The following ETV3 variants were observed in gnomAD, a reference collection of about 807,000 sequenced individuals.
ETV3 encodes the protein ETS translocation variant 3.
In ETV3, 8 loss-of-function variants were observed where a neutral mutation model predicts 33.0. The ratio of observed to expected loss-of-function variants is 0.24; its 90% CI spans 0.14 to 0.44. ETV3 has a LOEUF of 0.44. Ranked by LOEUF, ETV3 falls within the 20% of genes least tolerant of loss-of-function variation. ETV3 has a pLI of 1.00. For synonymous variants in ETV3, 222 were observed against 238.9 expected, an observed-to-expected ratio of 0.93 and a Z score of 0.65; for missense variants, 473 against 652.3, an observed-to-expected ratio of 0.73 and a Z score of 2.99.
At chr1:157,137,642 C>G (rs1352869462) in intron 1 of ETV3, among the ~76,000 whole-genome samples, 1 of 151,780 alleles carries the variant, frequency 6.6e-6, no homozygotes, top group Non-Finnish European at 1.5e-5. Context: ...ACACGAATTT[C>G]CCCACTGCTC....
intron 3 of ETV3, chr1:157,135,041 A>G (rs977788869): frequency 9.6e-5 from 21 of 218,862 alleles, no homozygotes; most frequent in Non-Finnish European, 1.4e-4. Flanking sequence ...TAGATAGGTC[A>G]GTATCACTGA....
rs1191237753 is a variant in ETV3 at position 157,121,601 on chromosome 1, A to G, written c.*3240T>C. 6.6e-6 allele frequency: 1 copy of G among 152,250 alleles called. No homozygotes were observed. The highest frequency in any genetic ancestry group is 1.5e-5 in the Non-Finnish European group (1 of 68,044). 9.4% of individuals were successfully genotyped at this position (152,250 alleles called of 1,614,324 possible). A position where few individuals can be genotyped will look rare whatever the true frequency, so the allele number is the denominator to read the frequency against. The stretch of plus-strand genomic sequence containing the variant: ...CCCCCTAAGAAGAAACCAAGAATGG[A>G]ACAGTTCTTGAAAGATTGAATCAAA... On this transcript the variant is annotated 3_prime_UTR_variant, in exon 5 of 5. Coordinates refer to ENST00000368192, the MANE Select transcript of ETV3 (RefSeq NM_001145312.3).
chr1:157,135,608 C>T lies in ETV3; in HGVS notation c.147G>A (p.Glu49=). ...HFILELLQKE[E]FRHVIAWQQG... ...GCTGCCAGGCGATGACATGGCGGAACTCTTCCTTCTGCAGCAGCTCCAGGA... is the reference window on the plus strand; with the variant it reads ...GCTGCCAGGCGATGACATGGCGGAATTCTTCCTTCTGCAGCAGCTCCAGGA... The change falls in exon 3 of 5, where the codon GAG becomes GAA. Residue 49 remains glutamate, a synonymous_variant. Coordinates refer to ENST00000368192, the MANE Select transcript of ETV3 (RefSeq NM_001145312.3). 1 of 1,614,186 alleles carries T rather than the reference C, an allele frequency of 6.2e-7. No individual in the cohort carries two copies.
At chr1:157,130,150 G>C (rs1196390012) in intron 4 of ETV3, among the ~76,000 whole-genome samples, 1 of 151,978 alleles carries the variant, frequency 6.6e-6, no homozygotes, top group Non-Finnish European at 1.5e-5. Flanking sequence ...CCAAAATCTA[G>C]TTTTTTATTA....
Position 157,124,014 on chromosome 1 carries a change from C to A in ETV3, c.*827G>T, listed in dbSNP as rs971202063. Reference sequence around the variant, plus strand: ...GGGTTACTTCCTCCTGCCCTCTTTTCTTCCCTGAACAAGAGTTTACAACTC... The same window carrying A: ...GGGTTACTTCCTCCTGCCCTCTTTTATTCCCTGAACAAGAGTTTACAACTC... On this transcript the variant is annotated 3_prime_UTR_variant, in exon 5 of 5. Coordinates refer to ENST00000368192, the MANE Select transcript of ETV3 (RefSeq NM_001145312.3). 6.8e-4 allele frequency: 104 copies of A among 152,096 alleles called. No individual in the cohort carries two copies. The highest frequency in any genetic ancestry group is 2.4e-3 in the African/African-American group (99 of 41,424). 9.4% of individuals were successfully genotyped at this position (152,096 alleles called of 1,614,324 possible).
chr1:157,133,986 A>G, intron 4 of ETV3, 126 bp downstream of exon 4: 1 of 1,476,138 alleles, frequency 6.8e-7, no homozygotes, highest in Non-Finnish European at 8.9e-7. Context: ...CATTGAGGCA[A>G]TCCAAAGGAT....
intron 2 of ETV3, 86 bp downstream of exon 2, chr1:157,136,221 C>A: frequency 1.5e-6 from 2 of 1,299,888 alleles, no homozygotes; most frequent in East Asian, 2.3e-5. Flanking sequence ...CATGGTCTGA[C>A]ATTTGTGAAC....
Position 157,124,274 on chromosome 1 carries a change from A to C in ETV3, c.*567T>G, listed in dbSNP as rs1674772114. 1 of 151,812 alleles carries C rather than the reference A, an allele frequency of 6.6e-6. No homozygotes were observed. Among genetic ancestry groups the C allele is most frequent in the Non-Finnish European group, 1.5e-5 (1 of 67,948 alleles). The allele number at this position is 151,812 out of a possible 1,614,324, so 9.4% of individuals were successfully genotyped here. The stretch of plus-strand genomic sequence containing the variant: ...AAAAAAAAAAAAGAAGGAAGAAGAA[A>C]AAGAGCAACATCCAAACATTCCCCA... On this transcript the variant is annotated 3_prime_UTR_variant, in exon 5 of 5. Transcript: ENST00000368192.
In ETV3 at chr1:157,125,411, T is replaced by C. The variant is rs369224258; in HGVS notation, c.969A>G (p.Pro323=). ...HLSPRTFPRY[P]GLMVPPLQCQ... ...ACTGCAGTGGTGGAACCATGAGCCCTGGGTAACGGGGAAAAGTCCGAGGAC... is the reference window on the plus strand; with the variant it reads ...ACTGCAGTGGTGGAACCATGAGCCCCGGGTAACGGGGAAAAGTCCGAGGAC... Residue 323 remains proline (P), a synonymous_variant, in exon 5 of 5, where the codon CCA becomes CCG. Transcript: ENST00000368192. This position sits in a 1 kb window ranked among gnomAD's most constrained non-coding sequence, Gnocchi z 4.0. 246 of 1,552,026 alleles carry C rather than the reference T, an allele frequency of 1.6e-4. No homozygotes were observed. Among genetic ancestry groups the C allele is most frequent in the Non-Finnish European group, 2.1e-4 (240 of 1,147,112 alleles).
Position 157,125,828 on chromosome 1 carries a change from A to T in ETV3, c.552T>A (p.Gly184=). Residue 184 remains glycine (G), a synonymous_variant, in exon 5 of 5, where the codon GGT becomes GGA. Transcript: ENST00000368192. The surrounding 1 kb of genome is among the most constrained non-coding windows in gnomAD (Gnocchi z 4.0). ...LTASGQESSN[G]TDRKTELSEL... ...CTGAAAGCTCAGTCTTTCTATCAGT[A>T]CCATTACTGGACTCCTGGCCAGAAG... 1 of 1,551,668 alleles carries T rather than the reference A, an allele frequency of 6.4e-7. No individual in the cohort carries two copies. The highest frequency in any genetic ancestry group is 8.7e-7 in the Non-Finnish European group (1 of 1,147,002).
chr1:157,135,303 C>T, intron 3 of ETV3, 168 bp downstream of exon 3: 1 of 782,826 alleles, frequency 1.3e-6, no homozygotes, highest in East Asian at 2.6e-5. Context: ...CCTCCTGTGC[C>T]TATGCTACTC....
intron 4 of ETV3, among the ~76,000 whole-genome samples, chr1:157,126,726 G>A (rs879917912): frequency 1.3e-5 from 2 of 151,540 alleles, no homozygotes; most frequent in Non-Finnish European, 2.9e-5. Context: ...TGTGCGGAGG[G>A]GCAGAGCTGC....
intron 4 of ETV3, among the ~76,000 whole-genome samples, chr1:157,131,933 T>C (rs1382117702): frequency 2.0e-5 from 3 of 152,228 alleles, no homozygotes; most frequent in East Asian, 1.9e-4. Context: ...GTAGTAGAGA[T>C]AGATGTACTA....
Position 157,121,722 on chromosome 1 carries a change from A to C in ETV3, c.*3119T>G, listed in dbSNP as rs1264963643. On this transcript the variant is annotated 3_prime_UTR_variant, in exon 5 of 5. Coordinates refer to ENST00000368192, the MANE Select transcript of ETV3 (RefSeq NM_001145312.3). ...ATGGAATAAATAAAAAACAAGGGAC[A>C]AACAGCCAACTGACTCTACCCACTT... is the stretch of plus-strand genomic sequence containing the variant. 1.3e-5 allele frequency: 2 copies of C among 152,262 alleles called. No individual in the cohort carries two copies. The highest frequency in any genetic ancestry group is 2.9e-5 in the Non-Finnish European group (2 of 68,044). 9.4% of individuals were successfully genotyped at this position (152,262 alleles called of 1,614,324 possible). A position where few individuals can be genotyped will look rare whatever the true frequency, so the allele number is the denominator to read the frequency against.
chr1:157,133,878 T>C (rs1675030812), intron 4 of ETV3: 4 of 1,362,472 alleles, frequency 2.9e-6, no homozygotes, highest in Admixed American at 6.9e-5. Flanking sequence ...TTACAAACAA[T>C]ATGCAGAAAA....
rs948139048 is a variant in ETV3 at position 157,125,129 on chromosome 1, C to T, written c.1251G>A (p.Glu417=). 3.9e-6 allele frequency: 6 copies of T among 1,548,152 alleles called. No homozygotes were observed. Reference sequence around the variant, plus strand: ...GACGGGCAAAGATGGTGCCTTTTTCCTCTTCAATGGTCCTGCTTGGCACAG... The same window carrying T: ...GACGGGCAAAGATGGTGCCTTTTTCTTCTTCAATGGTCCTGCTTGGCACAG... ...EGTVPSRTIE[E]EKGTIFARPA... Residue 417 remains glutamate (E), a synonymous_variant, in exon 5 of 5, where the codon GAG becomes GAA. Coordinates refer to ENST00000368192, the MANE Select transcript of ETV3 (RefSeq NM_001145312.3). This position sits in a 1 kb window ranked among gnomAD's most constrained non-coding sequence, Gnocchi z 4.0.
intron 4 of ETV3, among the ~76,000 whole-genome samples, chr1:157,127,215 C>G (rs1674862402): frequency 6.6e-6 from 1 of 152,234 alleles, no homozygotes; most frequent in Non-Finnish European, 1.5e-5. Flanking sequence ...AGATAAAACT[C>G]AAAGACCCTA....
At chr1:157,133,636 A>G (rs1675024963) in intron 4 of ETV3, 1 of 987,628 alleles carries the variant, frequency 1.0e-6, no homozygotes, top group Non-Finnish European at 1.2e-6. Flanking sequence ...TTTCACTGCA[A>G]ACATGTGAAC....
In ETV3 at chr1:157,124,868, G is replaced by A; in HGVS notation, c.1512C>T (p.Gly504=). Residue 504 remains glycine, a synonymous_variant, in exon 5 of 5, where the codon GGC becomes GGT. Transcript: ENST00000368192. ...KFLWNGSGPQ[G]LATAAADA ...AAGCATCAGCAGCTGCTGTTGCCAA[G>A]CCCTGGGGTCCTGACCCATTCCAGA... The A allele has an allele frequency of 6.5e-7, 1 of 1,538,704 alleles. No homozygotes were observed. Among genetic ancestry groups the A allele is most frequent in the Non-Finnish European group, 8.8e-7 (1 of 1,141,792 alleles).
Sources: gnomAD v4.1 joint callset for allele counts (sites outside exome capture counted in the v4.1 genomes callset) on GRCh38, gnomAD v4.1.1 for gene constraint, Gnocchi (gnomAD v3.1) non-coding constraint, MANE v1.5 for transcripts, NCBI Gene and HGNC (gene_info 2026-07-23, HGNC 2026-07-21) for gene names.